NFIB: variants seen among roughly 807,000 people sequenced by gnomAD.
NFIB encodes the protein nuclear factor 1 B-type.
NFIB carries 11 observed loss-of-function variants against 61.5 expected under a neutral mutation model. The ratio of observed to expected loss-of-function variants is 0.18; its 90% CI spans 0.11 to 0.30. NFIB has a LOEUF of 0.30. NFIB is among the 10% of genes least tolerant of loss of function. The probability of loss-of-function intolerance (pLI) is 1.00; values close to 1 mark genes in which losing one functional copy is unlikely to be tolerated. For synonymous variants in NFIB, 260 were observed against 216.5 expected, an observed-to-expected ratio of 1.20 and a Z score of -1.76; for missense variants, 471 against 608.9, an observed-to-expected ratio of 0.77 and a Z score of 2.38.
intron 2 of NFIB, among the ~76,000 whole-genome samples, chr9:14,227,389 CA>C (rs2052565998): frequency 6.6e-6 from 1 of 152,030 alleles, no homozygotes; most frequent in Non-Finnish European, 1.5e-5. Context: ...AGGAAGTACT[CA>C]AAACTATCTG....
At chr9:14,428,060 C>G in the NFIB span, among the ~76,000 whole-genome samples, 1 of 148,594 alleles carries the variant, frequency 6.7e-6, no homozygotes, top group Non-Finnish European at 1.5e-5. Context: ...ATCCTCCCAC[C>G]TCAGCTTCCT....
chr9:14,295,793 A>G (rs2059409918), intron 2 of NFIB, among the ~76,000 whole-genome samples: 1 of 152,206 alleles, frequency 6.6e-6, no homozygotes, highest in South Asian at 2.1e-4. Flanking sequence ...ATTGGAGTGC[A>G]GTGAATTACG....
chr9:14,456,502 A>G, the NFIB span, among the ~76,000 whole-genome samples: 2 of 152,210 alleles, frequency 1.3e-5, no homozygotes, highest in African/African-American at 4.8e-5. Context: ...CAAAAAGCCA[A>G]TAATGCACTA....
intron 1 of NFIB, among the ~76,000 whole-genome samples, chr9:14,341,389 G>A (rs981539885): frequency 5.9e-5 from 9 of 152,160 alleles, no homozygotes; most frequent in African/African-American, 2.2e-4. Flanking sequence ...GGAGCCACAT[G>A]GAAACTGGAA....
chr9:14,509,574 G>C, the NFIB span, among the ~76,000 whole-genome samples: 1 of 152,164 alleles, frequency 6.6e-6, no homozygotes, highest in Admixed American at 6.5e-5. Context: ...CAGATAGCCT[G>C]TACTTTGTAG....
chr9:14,466,634 C>G, the NFIB span, among the ~76,000 whole-genome samples: 1 of 152,176 alleles, frequency 6.6e-6, no homozygotes, highest in African/African-American at 2.4e-5. Context: ...ACAGTCCTAC[C>G]AGCAAGGGGC....
intron 3 of NFIB, among the ~76,000 whole-genome samples, chr9:14,178,135 C>T (rs2046373928): frequency 6.6e-6 from 1 of 152,058 alleles, no homozygotes; most frequent in Non-Finnish European, 1.5e-5. Flanking sequence ...CTTCTCCCAC[C>T]TCATTCTTTG....
chr9:14,295,391 C>T (rs943154669), intron 2 of NFIB, among the ~76,000 whole-genome samples: 1 of 151,984 alleles, frequency 6.6e-6, no homozygotes, highest in Non-Finnish European at 1.5e-5. Context: ...TTTGGGAGGC[C>T]CAAGGCGGGC....
chr9:14,149,930 C>A (rs2042677720), intron 5 of NFIB, among the ~76,000 whole-genome samples: 1 of 152,066 alleles, frequency 6.6e-6, no homozygotes, highest in Non-Finnish European at 1.5e-5. Flanking sequence ...TTACCTGTCC[C>A]CCTGAAAAAG....
At chr9:14,236,167 G>C (rs1235750511) in intron 2 of NFIB, among the ~76,000 whole-genome samples, 2 of 152,056 alleles carry the variant, frequency 1.3e-5, no homozygotes, top group Admixed American at 6.6e-5. Flanking sequence ...GTTTTATATG[G>C]AACTGCCCAC....
intron 1 of NFIB, among the ~76,000 whole-genome samples, chr9:14,388,927 C>A (rs192379153): frequency 1.3e-5 from 2 of 152,194 alleles, no homozygotes; most frequent in African/African-American, 2.4e-5. Context: ...ATTAGAATTA[C>A]AAGGAAGTTT....
intron 10 of NFIB, among the ~76,000 whole-genome samples, chr9:14,104,369 C>G (rs1216586287): frequency 6.6e-6 from 1 of 151,512 alleles, no homozygotes; most frequent in Admixed American, 6.6e-5. Flanking sequence ...TAAAAGTTCT[C>G]AAAATGGGTC....
chr9:14,432,059 C>T, the NFIB span, among the ~76,000 whole-genome samples: 19 of 152,246 alleles, frequency 1.2e-4, no homozygotes, highest in African/African-American at 4.6e-4. Flanking sequence ...GTGAGACTGG[C>T]CTCAAGACAA....
the NFIB span, among the ~76,000 whole-genome samples, chr9:14,500,723 C>T: frequency 2.6e-5 from 4 of 152,162 alleles, no homozygotes; most frequent in African/African-American, 9.7e-5. Flanking sequence ...CCTTGCCGCC[C>T]TAGAGTCCTA....
At chr9:14,123,969 G>C (rs1198147471) in intron 7 of NFIB, among the ~76,000 whole-genome samples, 1 of 152,070 alleles carries the variant, frequency 6.6e-6, no homozygotes, top group South Asian at 2.1e-4. Flanking sequence ...ATATCTTCCA[G>C]GTATCTAAAC....
At chr9:14,418,561 T>A in the NFIB span, among the ~76,000 whole-genome samples, 2 of 152,204 alleles carry the variant, frequency 1.3e-5, no homozygotes, top group Non-Finnish European at 2.9e-5. Flanking sequence ...GGAAACTCAG[T>A]GCACCATCCT....
the NFIB span, among the ~76,000 whole-genome samples, chr9:14,493,299 C>T: frequency 6.6e-6 from 1 of 152,102 alleles, no homozygotes; most frequent in Admixed American, 6.5e-5. Flanking sequence ...ATATGATTGG[C>T]TAGCAGTTAT....
rs574672738 is a variant in NFIB, at chr9:14,084,593, G to C, written c.*3716C>G. 4 of 228,624 alleles carry C rather than the reference G, an allele frequency of 1.7e-5. No individual in the cohort carries two copies. The highest frequency in any genetic ancestry group is 2.6e-5 in the Non-Finnish European group (3 of 114,976). 14.2% of individuals were successfully genotyped at this position (228,624 alleles called of 1,614,324 possible). ...CGCTTCAGAGGCACTGTGAGTGGTG[G>C]GTGGCAGGGCAGCACACAAAGGCTG... is the stretch of plus-strand genomic sequence containing the variant. On this transcript the variant is annotated 3_prime_UTR_variant, in exon 11 of 11. Coordinates refer to ENST00000380953, the MANE Select transcript of NFIB (RefSeq NM_001190737.2).
intron 1 of NFIB, among the ~76,000 whole-genome samples, chr9:14,374,669 T>C (rs892756204): frequency 2.0e-5 from 3 of 152,150 alleles, no homozygotes; most frequent in African/African-American, 4.8e-5. Flanking sequence ...CAGCACTTTG[T>C]GAGGCTGAAG....
Sources: gnomAD v4.1 joint callset for allele counts (sites outside exome capture counted in the v4.1 genomes callset) on GRCh38, gnomAD v4.1.1 for gene constraint, MANE v1.5 for transcripts, NCBI Gene and HGNC (gene_info 2026-07-23, HGNC 2026-07-21) for gene names.